Variants in ABCG1 observed in about 807,000 individuals in gnomAD.
ABCG1 encodes ATP binding cassette subfamily G member 1.
A neutral mutation model predicts 69.2 loss-of-function variants in ABCG1; 29 were observed. That is an observed-to-expected ratio of 0.42 (90% CI 0.31 to 0.57). The LOEUF is 0.57. Ranked by LOEUF, ABCG1 falls within the 20% of genes least tolerant of loss-of-function variation. ABCG1 has a pLI of 0.15. For missense variants in ABCG1, 718 were observed against 898.1 expected (o/e 0.80, Z 2.56); for synonymous variants, 370 against 374.8 (o/e 0.99, Z 0.15).
At chr21:42,253,343 A>G (rs921914561) in intron 2 of ABCG1, among the ~76,000 whole-genome samples, 26 of 152,342 alleles carry the variant, frequency 1.7e-4, no homozygotes, top group Admixed American at 1.6e-3. Flanking sequence ...GGATCATCCC[A>G]GCCATCATGT....
At position 42,288,375 on chromosome 21, in the gene ABCG1, C is replaced by A; in HGVS notation, c.1224+63C>A. ...CCGTGGGTCATTTTCTCAGACTCGT[C>A]CTGACGGAATGTGTTCGTTCATTCT... On this transcript the variant is annotated intron_variant, in intron 10 of 14. Transcript: ENST00000398449. The surrounding 1 kb of genome is among the most constrained non-coding windows in gnomAD (Gnocchi z 4.8). 1.6e-6 allele frequency: 2 copies of A among 1,245,350 alleles called. No individual in the cohort carries two copies. Among genetic ancestry groups the A allele is most frequent in the Non-Finnish European group, 2.3e-6 (2 of 855,790 alleles). 77.1% of individuals were successfully genotyped at this position (1,245,350 alleles called of 1,614,324 possible).
intron 2 of ABCG1, among the ~76,000 whole-genome samples, chr21:42,269,506 C>T (rs534879546): frequency 1.1e-4 from 16 of 152,178 alleles, no homozygotes; most frequent in East Asian, 1.9e-4. Context: ...CTGGTTCACC[C>T]GCAGCTCTGA....
upstream of ABCG1, among the ~76,000 whole-genome samples, chr21:42,218,788 C>T (rs1357313483): frequency 6.6e-6 from 1 of 152,184 alleles, no homozygotes; most frequent in Non-Finnish European, 1.5e-5. Context: ...CTGGACGCCC[C>T]CTCTTCGACC....
intron 2 of ABCG1, chr21:42,259,442 G>C (rs1470187954): frequency 6.5e-7 from 1 of 1,549,354 alleles, no homozygotes; most frequent in African/African-American, 1.4e-5. Context: ...GAAAAAGGGT[G>C]CCGATGTCTG....
chr21:42,285,153 C>G (rs1361044118), intron 7 of ABCG1, among the ~76,000 whole-genome samples: 1 of 151,972 alleles, frequency 6.6e-6, no homozygotes, highest in African/African-American at 2.4e-5. Context: ...CACTTGTTTT[C>G]CAGAATTAAT....
At chr21:42,238,451 A>T (rs535156539) in intron 2 of ABCG1, among the ~76,000 whole-genome samples, 26 of 152,196 alleles carry the variant, frequency 1.7e-4, no homozygotes, top group African/African-American at 6.3e-4. Flanking sequence ...GGCTCATATT[A>T]TGACTAATTT....
chr21:42,205,060 TA>T (rs2067533044), intron 2 of ABCG1, among the ~76,000 whole-genome samples: 1 of 152,044 alleles, frequency 6.6e-6, no homozygotes, highest in Non-Finnish European at 1.5e-5. Flanking sequence ...TCAATGTTCT[TA>T]ATAGTTATGA....
intron 2 of ABCG1, among the ~76,000 whole-genome samples, chr21:42,240,591 C>T (rs1418986537): frequency 1.3e-5 from 2 of 152,238 alleles, no homozygotes; most frequent in Non-Finnish European, 2.9e-5. Flanking sequence ...GCTGGGATTA[C>T]AGGCGCCCAT....
intron 3 of ABCG1, among the ~76,000 whole-genome samples, chr21:42,271,936 C>G (rs987626395): frequency 6.6e-6 from 1 of 152,104 alleles, no homozygotes; most frequent in South Asian, 2.1e-4. Flanking sequence ...AGAAGTTTGG[C>G]GACCATTGTG....
chr21:42,290,346 A>G (rs2069033875), intron 11 of ABCG1, 128 bp downstream of exon 11: 13 of 1,059,864 alleles, frequency 1.2e-5, no homozygotes, highest in Non-Finnish European at 1.8e-5. Context: ...TTAAAATATC[A>G]TCTTCTTTGT....
chr21:42,270,165 C>G (rs2068589856), intron 2 of ABCG1, among the ~76,000 whole-genome samples: 2 of 146,326 alleles, frequency 1.4e-5, no homozygotes, highest in African/African-American at 5.1e-5. Context: ...GAGGCTGAGG[C>G]AGGAGAATGG....
chr21:42,279,137 G>A (rs1240352840), intron 5 of ABCG1, among the ~76,000 whole-genome samples: 1 of 152,066 alleles, frequency 6.6e-6, no homozygotes, highest in African/African-American at 2.4e-5. Flanking sequence ...CCTCCATCGA[G>A]GTCCCAAAGA....
At chr21:42,283,758 CCTGGACAGTTGTGAAGTACCCCCCA>C (rs2068867976) in intron 6 of ABCG1, among the ~76,000 whole-genome samples, 1 of 61,744 alleles carries the variant, frequency 1.6e-5, no homozygotes, top group Non-Finnish European at 3.5e-5. Flanking sequence ...CTCTGTCCTG[CCTGGACAGTTGTGAAGTACCCCCCA>C]ACCCAGATGA....
upstream of ABCG1, among the ~76,000 whole-genome samples, chr21:42,218,698 C>G (rs1316411176): frequency 6.6e-6 from 1 of 151,932 alleles, no homozygotes; most frequent in Non-Finnish European, 1.5e-5. Context: ...AGAGAGCTGC[C>G]CAACACCGTC....
intron 11 of ABCG1, 131 bp downstream of exon 11, chr21:42,290,349 T>C (rs1569241092): frequency 1.9e-6 from 2 of 1,030,448 alleles, no homozygotes; most frequent in South Asian, 3.3e-5. Context: ...AAATATCATC[T>C]TCTTTGTTGA....
chr21:42,268,043 C>T (rs770511149), intron 2 of ABCG1, among the ~76,000 whole-genome samples: 11 of 152,186 alleles, frequency 7.2e-5, no homozygotes, highest in Non-Finnish European at 1.5e-4. Flanking sequence ...GTTTCAAATA[C>T]TGAACCTGGG....
intron 2 of ABCG1, among the ~76,000 whole-genome samples, chr21:42,270,409 T>C (rs879409834): frequency 4.0e-4 from 61 of 152,098 alleles, no homozygotes; most frequent in Non-Finnish European, 6.5e-4. Context: ...GCTTTTCCCC[T>C]TTTATAAAGC....
chr21:42,212,147 C>T (rs1046147689), upstream of ABCG1, among the ~76,000 whole-genome samples: 1 of 152,124 alleles, frequency 6.6e-6, no homozygotes, highest in Non-Finnish European at 1.5e-5. Flanking sequence ...CAATACATTT[C>T]TGTTGTTTTT....
intron 6 of ABCG1, among the ~76,000 whole-genome samples, chr21:42,284,263 C>T (rs988963010): frequency 6.9e-6 from 1 of 144,414 alleles, no homozygotes; most frequent in Non-Finnish European, 1.5e-5. Context: ...TGTGAAGTCC[C>T]TCCCTGCCCA....
Sources: gnomAD v4.1 joint callset for allele counts (sites outside exome capture counted in the v4.1 genomes callset) on GRCh38, gnomAD v4.1.1 for gene constraint, Gnocchi (gnomAD v3.1) non-coding constraint, MANE v1.5 for transcripts, NCBI Gene and HGNC (gene_info 2026-07-23, HGNC 2026-07-21) for gene names.